The following LRFN5 variants were observed in gnomAD, a reference collection of about 807,000 sequenced individuals.
LRFN5 encodes the protein leucine rich repeat and fibronectin type III domain containing 5.
A neutral mutation model predicts 45.6 loss-of-function variants in LRFN5; 24 were observed. The ratio of observed to expected loss-of-function variants is 0.53; its 90% CI spans 0.38 to 0.74. The LOEUF (loss-of-function observed/expected upper bound fraction) is 0.74, where lower values mean the gene tolerates loss of function less well. Among genes scored for constraint, LRFN5 ranks in the 30% least tolerant of loss-of-function variants. The pLI, the probability that LRFN5 is intolerant of heterozygous loss-of-function variation, is 0.00. For missense variants in LRFN5, 776 were observed against 861.5 expected, an observed-to-expected ratio of 0.90 and a Z score of 1.24; for synonymous variants, 340 against 313.8, an observed-to-expected ratio of 1.08 and a Z score of -0.88.
chr14:41,809,549 A>G (rs1887669020), intron 2 of LRFN5, among the ~76,000 whole-genome samples: 1 of 151,924 alleles, frequency 6.6e-6, no homozygotes, highest in Non-Finnish European at 1.5e-5. Context: ...AAAATATATA[A>G]GTCAAGTAAG....
intron 2 of LRFN5, among the ~76,000 whole-genome samples, chr14:41,785,832 T>A (rs929038568): frequency 2.6e-5 from 4 of 152,150 alleles, no homozygotes; most frequent in Non-Finnish European, 5.9e-5. Context: ...ATATACACAG[T>A]TCACAGTGGG....
chr14:41,795,942 T>C (rs1391849736), intron 2 of LRFN5, among the ~76,000 whole-genome samples: 1 of 151,782 alleles, frequency 6.6e-6, no homozygotes, highest in Non-Finnish European at 1.5e-5. Context: ...AAGTTCCGGC[T>C]AAACACTCTG....
chr14:41,761,391 A>G (rs1726579812), intron 1 of LRFN5, among the ~76,000 whole-genome samples: 2 of 152,258 alleles, frequency 1.3e-5, no homozygotes, highest in South Asian at 4.1e-4. Context: ...ATAAAAAGTG[A>G]TAATTATTCT....
intron 2 of LRFN5, among the ~76,000 whole-genome samples, chr14:41,873,677 T>C (rs1459086478): frequency 3.9e-5 from 6 of 152,170 alleles, no homozygotes; most frequent in Non-Finnish European, 8.8e-5. Flanking sequence ...TAGAGATAAC[T>C]AGGCTACCTC....
intron 1 of LRFN5, among the ~76,000 whole-genome samples, chr14:41,628,297 G>C (rs534667846): frequency 6.6e-6 from 1 of 152,062 alleles, no homozygotes; most frequent in South Asian, 2.1e-4. Flanking sequence ...CTTTAGGCTG[G>C]TCCTCTTTTT....
At chr14:41,771,849 A>G (rs748224508) in intron 2 of LRFN5, among the ~76,000 whole-genome samples, 1 of 152,174 alleles carries the variant, frequency 6.6e-6, no homozygotes, top group Non-Finnish European at 1.5e-5. Flanking sequence ...TTCCAAAGCC[A>G]CTTTCACATT....
intron 1 of LRFN5, among the ~76,000 whole-genome samples, chr14:41,690,170 C>T (rs1882312898): frequency 6.6e-6 from 1 of 151,922 alleles, no homozygotes; most frequent in African/African-American, 2.4e-5. Context: ...AAAGTTTGTA[C>T]TTCATAACCA....
At chr14:41,889,114 C>CTCTA (rs769783162) in intron 3 of LRFN5, among the ~76,000 whole-genome samples, 72 of 146,996 alleles carry the variant, frequency 4.9e-4, no homozygotes, top group Middle Eastern at 3.3e-3. Flanking sequence ...ATATATGTCT[C>CTCTA]TATATATATA....
intron 1 of LRFN5, among the ~76,000 whole-genome samples, chr14:41,742,247 A>C (rs933843093): frequency 6.6e-5 from 10 of 151,668 alleles, no homozygotes; most frequent in African/African-American, 2.4e-4. Context: ...ACAGTAGCCA[A>C]GATATAGAAG....
chr14:41,643,092 A>C (rs748047665), intron 1 of LRFN5, among the ~76,000 whole-genome samples: 12 of 152,200 alleles, frequency 7.9e-5, no homozygotes, highest in Non-Finnish European at 1.6e-4. Flanking sequence ...TAGGAGCAAA[A>C]TACAGCATTT....
chr14:41,824,164 T>G (rs1025102128), intron 2 of LRFN5, among the ~76,000 whole-genome samples: 1 of 152,224 alleles, frequency 6.6e-6, no homozygotes, highest in African/African-American at 2.4e-5. Context: ...TATTTGGCAT[T>G]TCAGAATTTC....
intron 5 of LRFN5, 26 bp from the exon 6 acceptor site, chr14:41,904,132 T>A: frequency 3.2e-6 from 5 of 1,559,268 alleles, no homozygotes; most frequent in Non-Finnish European, 4.4e-6. Context: ...TTTCTTTTTT[T>A]CCTTTTTCTT....
intron 2 of LRFN5, among the ~76,000 whole-genome samples, chr14:41,834,647 T>C (rs1888599383): frequency 6.6e-6 from 1 of 152,146 alleles, no homozygotes; most frequent in African/African-American, 2.4e-5. Context: ...GGATTTTTTT[T>C]GTTGTTTGTT....
chr14:41,877,624 G>T (rs1566498956), intron 2 of LRFN5, among the ~76,000 whole-genome samples: 1 of 144,072 alleles, frequency 6.9e-6, no homozygotes, highest in Non-Finnish European at 1.5e-5. Context: ...AAAAATACAT[G>T]TGTGTGTGTA....
chr14:41,743,204 T>A (rs548480791), intron 1 of LRFN5, among the ~76,000 whole-genome samples: 18 of 152,332 alleles, frequency 1.2e-4, no homozygotes, highest in Admixed American at 9.8e-4. Flanking sequence ...TGCATTTTTT[T>A]ATAAGGCATG....
intron 1 of LRFN5, among the ~76,000 whole-genome samples, chr14:41,695,131 A>G (rs1240642040): frequency 6.6e-6 from 1 of 151,956 alleles, no homozygotes; most frequent in Non-Finnish European, 1.5e-5. Flanking sequence ...ACAGAAAATG[A>G]AACCAGCCAC....
chr14:41,675,106 C>A (rs1439470838), intron 1 of LRFN5, among the ~76,000 whole-genome samples: 3 of 151,634 alleles, frequency 2.0e-5, no homozygotes, highest in Non-Finnish European at 4.4e-5. Flanking sequence ...AGAGACGCTC[C>A]TCACTTTCCA....
chr14:41,781,131 T>C (rs914783342), intron 2 of LRFN5, among the ~76,000 whole-genome samples: 1 of 152,138 alleles, frequency 6.6e-6, no homozygotes, highest in African/African-American at 2.4e-5. Context: ...CTTTCTCTCT[T>C]TCTTTATACC....
chr14:41,690,469 C>T (rs748299312), intron 1 of LRFN5, among the ~76,000 whole-genome samples: 8 of 152,208 alleles, frequency 5.3e-5, no homozygotes, highest in Non-Finnish European at 1.0e-4. Context: ...ATGAAAATCA[C>T]TTGCGCCCTT....
Sources: allele counts gnomAD v4.1 joint callset (sites outside exome capture counted in the v4.1 genomes callset), GRCh38; gene constraint gnomAD v4.1.1; transcripts MANE v1.5; gene names NCBI Gene and HGNC (gene_info 2026-07-23, HGNC 2026-07-21).